Variants in CNTN4 observed in about 807,000 individuals in gnomAD.
The protein encoded by CNTN4 is contactin-4.
CNTN4 carries 77 observed loss-of-function variants against 122.5 expected under a neutral mutation model. The ratio of observed to expected loss-of-function variants is 0.63; its 90% CI spans 0.52 to 0.76. CNTN4 has a LOEUF of 0.76. Ranked by LOEUF, CNTN4 falls within the 30% of genes least tolerant of loss-of-function variation. The pLI is 0.00. For synonymous variants in CNTN4, 512 were observed against 447.0 expected, an observed-to-expected ratio of 1.15 and a Z score of -1.83; for missense variants, 1,256 against 1,259.1, an observed-to-expected ratio of 1.00 and a Z score of 0.04.
At chr3:2,942,605 A>AG (rs916307178) in intron 13 of CNTN4, among the ~76,000 whole-genome samples, 20 of 152,294 alleles carry the variant, frequency 1.3e-4, no homozygotes, top group Middle Eastern at 3.4e-3. Flanking sequence ...CCAAATATAG[A>AG]GCTTTTTAAT....
intron 12 of CNTN4, among the ~76,000 whole-genome samples, chr3:2,904,512 C>G (rs149180917): frequency 3.3e-5 from 5 of 152,268 alleles, no homozygotes; most frequent in Middle Eastern, 3.4e-3. Flanking sequence ...TTCAAAGAGG[C>G]CTAGTAATGG....
chr3:2,694,487 A>T (rs1486398101), intron 4 of CNTN4, among the ~76,000 whole-genome samples: 1 of 152,108 alleles, frequency 6.6e-6, no homozygotes, highest in East Asian at 1.9e-4. Flanking sequence ...TCGCACCTGT[A>T]ATTTCAGGAC....
chr3:2,854,160 C>T (rs2093591202), intron 7 of CNTN4, among the ~76,000 whole-genome samples: 1 of 151,926 alleles, frequency 6.6e-6, no homozygotes, highest in Admixed American at 6.6e-5. Flanking sequence ...ACCAACAGAC[C>T]GAATGCTTTT....
chr3:2,482,527 A>C (rs1312123310), intron 3 of CNTN4, among the ~76,000 whole-genome samples: 2 of 152,218 alleles, frequency 1.3e-5, no homozygotes, highest in African/African-American at 4.8e-5. Context: ...ACAATGGGGA[A>C]ACTGTCCCCA....
chr3:2,190,890 T>C (rs1205138968), intron 2 of CNTN4, among the ~76,000 whole-genome samples: 4 of 151,458 alleles, frequency 2.6e-5, no homozygotes, highest in Non-Finnish European at 5.9e-5. Context: ...ACTACCTTAG[T>C]ACAATTTTCT....
intron 4 of CNTN4, among the ~76,000 whole-genome samples, chr3:2,731,953 C>T (rs1442965370): frequency 6.6e-6 from 1 of 152,202 alleles, no homozygotes; most frequent in Non-Finnish European, 1.5e-5. Context: ...TGGAGTTCAA[C>T]TACAAGTGTT....
At position 2,548,377 on chromosome 3, in the gene CNTN4, T is replaced by A. The variant is rs150390378; in HGVS notation, c.-88-23039T>A. On this transcript the variant is annotated intron_variant, in intron 3 of 24. Coordinates refer to ENST00000418658, the MANE Select transcript of CNTN4 (RefSeq NM_175607.3). ...TAAGGTATAAGGAAAGGGTCCAGTT[T>A]CAGTTTTCTGCATATGGCTAGCCAG... Among the ~76,000 whole-genome samples, 521 of 152,296 alleles carry A rather than the reference T, an allele frequency of 3.4e-3. 5 individuals are homozygous for A. The highest frequency in any genetic ancestry group is 0.012 in the African/African-American group (493 of 41,554).
chr3:2,849,905 T>G (rs1451058829), intron 7 of CNTN4, among the ~76,000 whole-genome samples: 1 of 152,154 alleles, frequency 6.6e-6, no homozygotes, highest in Non-Finnish European at 1.5e-5. Flanking sequence ...CAGTAGTGCC[T>G]GGTCTCATGG....
rs1025027524 is a variant in CNTN4 at position 2,353,160 on chromosome 3, G to A, written c.-89+13927G>A. ...TGTGTCTAGCTCGGGTTTTGTGGATGCACCAATCAGCACTGTGTATCTAGG... is the reference window on the plus strand; with the variant it reads ...TGTGTCTAGCTCGGGTTTTGTGGATACACCAATCAGCACTGTGTATCTAGG... On this transcript the variant is annotated intron_variant, in intron 3 of 24. Coordinates refer to ENST00000418658, the MANE Select transcript of CNTN4 (RefSeq NM_175607.3). Among the ~76,000 whole-genome samples, 8 of 152,064 alleles carry A rather than the reference G, an allele frequency of 5.3e-5. No homozygotes were observed. The East Asian group carries it at 1.6e-3, about 30-fold the overall frequency.
At chr3:2,621,498 G>A (rs906985438) in intron 4 of CNTN4, among the ~76,000 whole-genome samples, 1 of 152,026 alleles carries the variant, frequency 6.6e-6, no homozygotes, top group Non-Finnish European at 1.5e-5. Flanking sequence ...GGCCTGTCGG[G>A]GGGTGGGGGG....
intron 6 of CNTN4, among the ~76,000 whole-genome samples, chr3:2,787,865 C>T (rs1339587372): frequency 2.6e-5 from 4 of 150,986 alleles, no homozygotes; most frequent in African/African-American, 9.7e-5. Flanking sequence ...TCTTGGCTCA[C>T]TGCAACCTCT....
In CNTN4 at chr3:2,870,931, G is replaced by GT. The variant is rs1455017104; in HGVS notation, c.652+3983dup. 3.3e-5 allele frequency among the ~76,000 whole-genome samples: 5 copies of GT among 152,276 alleles called. No homozygotes were observed. The East Asian group carries it at 9.6e-4, about 29-fold the overall frequency. ...GCTCAGTTCCTAATACAAATGAGGTGTGATGAGTCTCATGTCTGTTCACTG... is the reference window on the plus strand; with the variant it reads ...GCTCAGTTCCTAATACAAATGAGGTGTTGATGAGTCTCATGTCTGTTCACTG... On this transcript the variant is annotated intron_variant, in intron 8 of 24. Transcript: ENST00000418658.
intron 14 of CNTN4, among the ~76,000 whole-genome samples, chr3:2,992,830 C>T (rs1220048529): frequency 6.6e-6 from 1 of 152,136 alleles, no homozygotes; most frequent in Non-Finnish European, 1.5e-5. Context: ...GAAACACTGT[C>T]CTACACCAAA....
intron 2 of CNTN4, among the ~76,000 whole-genome samples, chr3:2,225,736 C>G (rs920260377): frequency 2.0e-5 from 3 of 152,118 alleles, no homozygotes; most frequent in African/African-American, 4.8e-5. Flanking sequence ...GACACCATTC[C>G]CCATTTGGGG....
chr3:2,259,663 A>G (rs936119466), intron 2 of CNTN4, among the ~76,000 whole-genome samples: 3 of 152,164 alleles, frequency 2.0e-5, no homozygotes, highest in Non-Finnish European at 4.4e-5. Flanking sequence ...ATCTCATGAG[A>G]TGTATTCACA....
At chr3:2,339,898 G>T (rs2044118017) in intron 3 of CNTN4, among the ~76,000 whole-genome samples, 1 of 152,162 alleles carries the variant, frequency 6.6e-6, no homozygotes, top group South Asian at 2.1e-4. Flanking sequence ...AGGCTCTTAA[G>T]GAGGAATCTC....
At chr3:2,461,997 T>C (rs2049229281) in intron 3 of CNTN4, among the ~76,000 whole-genome samples, 1 of 152,160 alleles carries the variant, frequency 6.6e-6, no homozygotes. Flanking sequence ...CCTGGAGACA[T>C]TTTTGGTTAT....
rs1466014054 is a variant in CNTN4 at position 2,131,972 on chromosome 3, A to G, written c.-145+31333A>G. On this transcript the variant is annotated intron_variant, in intron 2 of 24. Transcript: ENST00000418658. Reference sequence around the variant, plus strand: ...CTGGAAGTTCATACCCTATGTGTTCATATTTCTCATGCTGATTCTGTGTTG... The same window carrying G: ...CTGGAAGTTCATACCCTATGTGTTCGTATTTCTCATGCTGATTCTGTGTTG... Among the ~76,000 whole-genome samples, 3 of 152,308 alleles carry G rather than the reference A, an allele frequency of 2.0e-5. No homozygotes were observed. The East Asian group carries it at 5.8e-4, about 29-fold the overall frequency.
At chr3:2,960,012 A>G (rs2094837167) in intron 13 of CNTN4, among the ~76,000 whole-genome samples, 1 of 152,202 alleles carries the variant, frequency 6.6e-6, no homozygotes, top group Non-Finnish European at 1.5e-5. Context: ...GTCCTTTGAA[A>G]TCTGTCTCAT....
Sources: gnomAD v4.1 joint callset for allele counts (sites outside exome capture counted in the v4.1 genomes callset) on GRCh38, gnomAD v4.1.1 for gene constraint, MANE v1.5 for transcripts, NCBI Gene and HGNC (gene_info 2026-07-23, HGNC 2026-07-21) for gene names.